The following KIF1A variants were observed in gnomAD, a reference collection of about 807,000 sequenced individuals.
KIF1A encodes the protein kinesin-like protein KIF1A.
KIF1A carries 46 observed loss-of-function variants against 227.3 expected under a neutral mutation model. The observed-to-expected ratio is 0.20, with a 90% CI of 0.16 to 0.26. The LOEUF is 0.26. Ranked by LOEUF, KIF1A falls within the 10% of genes least tolerant of loss-of-function variation. The probability of loss-of-function intolerance (pLI) is 1.00; values close to 1 mark genes in which losing one functional copy is unlikely to be tolerated. For missense variants in KIF1A, 1,683 were observed against 2,485.9 expected, an observed-to-expected ratio of 0.68 and a Z score of 6.87; for synonymous variants, 1,022 against 1,012.8, an observed-to-expected ratio of 1.01 and a Z score of -0.17.
chr2:240,767,021 T>G lies in KIF1A; in HGVS notation c.1578A>C (p.Arg526Ser). ...GCCTCTCGCCATCCTCCCTGCCCAC[T>G]CTGCGGGGTGGGGGCACCATCAGCA... is the stretch of plus-strand genomic sequence containing the variant. ...LLYYIKDGIT[R>S]VGREDGERRQ... The change falls in exon 19 of 49, where the codon AGA becomes AGC. Residue 526 changes from arginine to serine, a missense_variant and splice_region_variant. Physicochemically the swap from Arg to Ser is moderately radical, Grantham distance 110. Transcript: ENST00000498729. 1 of 1,603,614 alleles carries G rather than the reference T, an allele frequency of 6.2e-7. No individual in the cohort carries two copies. The highest frequency in any genetic ancestry group is 8.5e-7 in the Non-Finnish European group (1 of 1,173,822).
In KIF1A at chr2:240,737,101, G is replaced by A. The variant is rs2047416147; in HGVS notation, c.3969C>T (p.Ile1323=). The change falls in exon 38 of 49, where the codon ATC becomes ATT. Residue 1323 remains isoleucine (I), a synonymous_variant. Coordinates refer to ENST00000498729, the MANE Select transcript of KIF1A (RefSeq NM_001244008.2). ...CTGGGTGGATGTATCCGGAAGAGAG[G>A]ATGTTGAGAGACAAGATGTTGGGGT... ...LIDPNILSLN[I]LSSGYIHPAQ... is the part of the protein sequence containing the mutation. 3 of 1,613,764 alleles carry A rather than the reference G, an allele frequency of 1.9e-6. No individual in the cohort carries two copies. The Admixed American group carries it at 5.0e-5, about 27-fold the overall frequency.
At position 240,718,081 on chromosome 2, in the gene KIF1A, C is replaced by A. The variant is rs779787163; in HGVS notation, c.5302G>T (p.Ala1768Ser). Residue 1768 changes from alanine to serine, a missense_variant, in exon 48 of 49, where the codon GCC becomes TCC. This residue lies in a region of KIF1A where 384 missense variants were observed against 410.1 expected (regional missense o/e 0.94). Transcript: ENST00000498729. The part of the protein sequence containing the change: ...SDKDMHDWLY[A>S]FNPLLAGTIR... ...GTCCCGGCCAGGAGGGGGTTGAAGG[C>A]GTACAGCCAGTCATGCATGTCCTTG... The A allele has an allele frequency of 1.2e-6, 2 of 1,611,118 alleles. No individual in the cohort carries two copies. The highest frequency in any genetic ancestry group is 1.7e-6 in the Non-Finnish European group (2 of 1,179,134).
At chr2:240,812,901 G>A in intron 1 of KIF1A, among the ~76,000 whole-genome samples, 1 of 149,606 alleles carries the variant, frequency 6.7e-6, no homozygotes, top group Admixed American at 6.6e-5. Context: ...TCACCTCGGG[G>A]ATCCGCCTTC....
intron 1 of KIF1A, among the ~76,000 whole-genome samples, chr2:240,811,448 G>A (rs535100241): frequency 3.3e-5 from 5 of 152,372 alleles, no homozygotes; most frequent in African/African-American, 1.2e-4. Flanking sequence ...GGAGCCACGT[G>A]GCCCCAAGGG....
At chr2:240,720,137 G>A (rs2045134096) in intron 45 of KIF1A, 4 of 460,494 alleles carry the variant, frequency 8.7e-6, no homozygotes, top group East Asian at 3.6e-5. Context: ...TGGGCTTGGT[G>A]GGCAGGGTCC....
chr2:240,782,080 C>T lies in KIF1A; in HGVS notation c.882+510G>A, dbSNP rs1457435319. ...GCCGGTCCCTCGAACGCTTTCACGG[C>T]TGCCCACGCGGTTCCTCACACAGTC... On this transcript the variant is annotated intron_variant, in intron 10 of 48. Coordinates refer to ENST00000498729, the MANE Select transcript of KIF1A (RefSeq NM_001244008.2). The T allele has an allele frequency of 3.0e-6, 3 of 985,290 alleles. No homozygotes were observed. In the African/African-American group the frequency reaches 5.2e-5, roughly 17 times the overall value. 61.0% of individuals were successfully genotyped at this position (985,290 alleles called of 1,614,324 possible).
At chr2:240,737,567 G>GAGGGAGGA (rs1423218869) in intron 37 of KIF1A, 7 of 143,318 alleles carry the variant, frequency 4.9e-5, no homozygotes, top group Non-Finnish European at 1.1e-4. Flanking sequence ...GGGAGGGAGG[G>GAGGGAGGA]AGGGAGGAAG....
intron 10 of KIF1A, among the ~76,000 whole-genome samples, chr2:240,781,574 ACGC>A (rs957367050): frequency 1.1e-4 from 16 of 141,200 alleles, no homozygotes; most frequent in Non-Finnish European, 1.5e-4. Flanking sequence ...CTTCCTCCCC[ACGC>A]CGCCCACGCC....
chr2:240,805,942 C>T (rs1258913249), intron 1 of KIF1A, among the ~76,000 whole-genome samples: 1 of 152,066 alleles, frequency 6.6e-6, no homozygotes, highest in Non-Finnish European at 1.5e-5. Context: ...AATAGCAAAA[C>T]ATGGAGTTTT....
rs542176100 is a variant in KIF1A, at chr2:240,760,910, CT to C, written c.2266-68del. ...ACAGGGTGCCAGGTCCCCAAAAAGG[CT>C]TCCTTCCCACCTTCTGGAGATTTCA... On this transcript the variant is annotated intron_variant, in intron 24 of 48. Transcript: ENST00000498729. 712 of 1,445,586 alleles carry C rather than the reference CT, an allele frequency of 4.9e-4. 2 individuals are homozygous for C. The African/African-American group carries it at 9.0e-3, about 18-fold the overall frequency. The allele number at this position is 1,445,586 out of a possible 1,614,324, so 89.5% of individuals were successfully genotyped here.
intron 15 of KIF1A, among the ~76,000 whole-genome samples, chr2:240,770,454 G>A (rs962595288): frequency 1.3e-5 from 2 of 152,200 alleles, no homozygotes; most frequent in Non-Finnish European, 2.9e-5. Flanking sequence ...TCTATAGGAC[G>A]CCAGGGAGGA....
intron 5 of KIF1A, among the ~76,000 whole-genome samples, chr2:240,786,775 A>T (rs1443128858): frequency 7.8e-4 from 55 of 70,172 alleles, no homozygotes; most frequent in African/African-American, 1.8e-3. Context: ...GGCCACCATC[A>T]GGACCCCTGA....
chr2:240,730,645 C>T (rs951046936), intron 38 of KIF1A, among the ~76,000 whole-genome samples: 4 of 152,206 alleles, frequency 2.6e-5, no homozygotes, highest in African/African-American at 7.2e-5. Context: ...AACATGATCC[C>T]AGCAGGAGAC....
chr2:240,797,871 C>T, intron 1 of KIF1A, 59 bp from the exon 2 acceptor site: 1 of 643,402 alleles, frequency 1.6e-6, no homozygotes, highest in Non-Finnish European at 2.7e-6. Flanking sequence ...GACAGGCACT[C>T]CGGCTGCAGC....
rs949692885 is a variant in KIF1A, at chr2:240,750,669, G to A, written c.2859-122C>T. On this transcript the variant is annotated intron_variant, in intron 27 of 48. Coordinates refer to ENST00000498729, the MANE Select transcript of KIF1A (RefSeq NM_001244008.2). ...AGCTGCAAAGCAGAGGGAAGCCGCC[G>A]GACAGGACAGCCAAGGCCAGGACAG... The A allele has an allele frequency of 7.0e-5, 51 of 725,670 alleles. No homozygotes were observed. In the African/African-American group the frequency reaches 7.3e-4, roughly 10 times the overall value. The allele number at this position is 725,670 out of a possible 1,614,324, so 45.0% of individuals were successfully genotyped here.
intron 34 of KIF1A, 146 bp from the exon 35 acceptor site, chr2:240,741,523 C>A: frequency 3.2e-6 from 2 of 616,382 alleles, no homozygotes; most frequent in Non-Finnish European, 5.5e-6. Flanking sequence ...AACCAGCCAA[C>A]CCCAGCCATT....
chr2:240,733,040 A>AGGGAGGGATGAGGGGGAATGAG (rs1559485055), intron 38 of KIF1A, among the ~76,000 whole-genome samples: 1 of 45,958 alleles, frequency 2.2e-5, no homozygotes, highest in Non-Finnish European at 4.2e-5. Flanking sequence ...AGGGGGAATG[A>AGGGAGGGATGAGGGGGAATGAG]GGGGGGGATG....
intron 24 of KIF1A, 109 bp downstream of exon 24, chr2:240,761,120 C>T: frequency 1.5e-6 from 2 of 1,336,678 alleles, no homozygotes; most frequent in Non-Finnish European, 2.1e-6. Context: ...CTATGCCACC[C>T]CCGGGGCCGG....
At chr2:240,720,611 CTTT>C (rs1347916258) in intron 45 of KIF1A, 1 of 243,154 alleles carries the variant, frequency 4.1e-6, no homozygotes, top group African/African-American at 2.2e-5. Context: ...GTAACCTTTT[CTTT>C]TTCCATTATT....
Sources: gnomAD v4.1 joint callset for allele counts (sites outside exome capture counted in the v4.1 genomes callset) on GRCh38, gnomAD v4.1.1 for gene constraint, gnomAD v4.1.1 regional missense constraint, MANE v1.5 for transcripts, NCBI Gene and HGNC (gene_info 2026-07-23, HGNC 2026-07-21) for gene names.